The following CDH19 variants were observed in gnomAD, a reference collection of about 807,000 sequenced individuals.
CDH19 encodes the protein cadherin 19.
In CDH19, 67 loss-of-function variants were observed where a neutral mutation model predicts 64.2. The ratio of observed to expected loss-of-function variants is 1.04; its 90% CI spans 0.86 to 1.28. CDH19 has a LOEUF of 1.28. Among genes scored for constraint, CDH19 ranks in the 50% most tolerant of loss-of-function variants. The pLI is 0.00. For missense variants in CDH19, 1,030 were observed against 929.0 expected, an observed-to-expected ratio of 1.11 and a Z score of -1.41; for synonymous variants, 346 against 319.3, an observed-to-expected ratio of 1.08 and a Z score of -0.89.
chr18:66,552,506 G>A lies in CDH19; in HGVS notation c.611-1248C>T, dbSNP rs540904596. Among the ~76,000 whole-genome samples the A allele has an allele frequency of 4.5e-5, 4 of 88,960 alleles. 1 individual carries two copies. Among genetic ancestry groups the A allele is most frequent in the African/African-American group, 1.8e-4 (2 of 10,884 alleles). 58.4% of individuals were successfully genotyped at this position (88,960 alleles called of 152,430 possible). On this transcript the variant is annotated intron_variant, in intron 4 of 11. Transcript: ENST00000262150. The stretch of plus-strand genomic sequence containing the variant: ...ATCAATTATTTGAATCCAATGGAAA[G>A]CATTCAATATGTTGCACAAGTGCTG...
intron 1 of CDH19, among the ~76,000 whole-genome samples, chr18:66,573,249 T>C (rs1013032262): frequency 1.1e-4 from 17 of 151,708 alleles, no homozygotes; most frequent in African/African-American, 3.6e-4. Flanking sequence ...TAATGTCATA[T>C]AATCAACAGA....
intron 1 of CDH19, among the ~76,000 whole-genome samples, chr18:66,594,733 T>C (rs1988836345): frequency 6.6e-6 from 1 of 151,282 alleles, no homozygotes; most frequent in Non-Finnish European, 1.5e-5. Context: ...GAAATCATCA[T>C]TCTCAGTAAA....
In CDH19 at chr18:66,554,469, A is replaced by G; in HGVS notation, c.546T>C (p.Asn182=). 6.2e-7 allele frequency: 1 copy of G among 1,611,340 alleles called. No homozygotes were observed. The highest frequency in any genetic ancestry group is 1.1e-5 in the South Asian group (1 of 90,980). ...GTAAGCTGTAGAGGAGACGAGCATT[A>G]TTACCACTTGAGGGATCGTCAGCAT... The part of the protein sequence containing the change: ...ASDADDPSSG[N]NARLLYSLLQ... The change falls in exon 4 of 12, where the codon AAT becomes AAC. Residue 182 remains asparagine (N), a synonymous_variant. Coordinates refer to ENST00000262150, the MANE Select transcript of CDH19 (RefSeq NM_021153.4).
Position 66,551,158 on chromosome 18 carries a change from A to T in CDH19, c.711T>A (p.Ser237=). The T allele has an allele frequency of 6.2e-7, 1 of 1,608,630 alleles. No homozygotes were observed. The highest frequency in any genetic ancestry group is 8.5e-7 in the Non-Finnish European group (1 of 1,175,382). Residue 237 remains serine, a synonymous_variant, in exon 5 of 12, where the codon TCT becomes TCA. Transcript: ENST00000262150. ...GTTTAATTAATACACTTGTTGTTCC[A>T]GACAACGCTCCTGGCTGACCAATCA... The part of the protein sequence containing the change: ...KDMIGQPGAL[S]GTTSVLIKLS...
intron 2 of CDH19, 22 bp downstream of exon 2, chr18:66,571,988 A>T: frequency 6.4e-7 from 1 of 1,553,874 alleles, no homozygotes; most frequent in South Asian, 1.1e-5. Flanking sequence ...TATTTACTGT[A>T]ACATTTTAAA....
chr18:66,517,054 C>A (rs1985769691), intron 9 of CDH19, among the ~76,000 whole-genome samples: 1 of 151,962 alleles, frequency 6.6e-6, no homozygotes, highest in African/African-American at 2.4e-5. Context: ...TTTGGTGTAA[C>A]CATGGGACAT....
intron 1 of CDH19, among the ~76,000 whole-genome samples, chr18:66,600,070 T>C (rs1465497427): frequency 6.6e-6 from 1 of 151,906 alleles, no homozygotes; most frequent in Non-Finnish European, 1.5e-5. Flanking sequence ...TCCTTTGAAA[T>C]TTGTGCCAGA....
intron 5 of CDH19, among the ~76,000 whole-genome samples, chr18:66,545,839 T>C (rs1307927249): frequency 6.6e-6 from 1 of 152,100 alleles, no homozygotes; most frequent in African/African-American, 2.4e-5. Flanking sequence ...GGTAAGTGAA[T>C]GTAATATAAA....
At position 66,522,816 on chromosome 18, in the gene CDH19, T is replaced by C. The variant is rs977524552; in HGVS notation, c.1458+7029A>G. On this transcript the variant is annotated intron_variant, in intron 9 of 11. Transcript: ENST00000262150. The stretch of plus-strand genomic sequence containing the variant: ...TTAAAAAAATTATTTAACAACTTTC[T>C]ATAGGGATATCTGGAAACTAATGTT... Among the ~76,000 whole-genome samples, 36 of 151,900 alleles carry C rather than the reference T, an allele frequency of 2.4e-4. 1 individual carries two copies. Among genetic ancestry groups the C allele is most frequent in the Middle Eastern group, 3.4e-3 (1 of 294 alleles).
chr18:66,535,163 T>A (rs1390060385), intron 7 of CDH19, 56 bp from the exon 8 acceptor site: 5 of 1,075,944 alleles, frequency 4.6e-6, no homozygotes, highest in Non-Finnish European at 5.1e-6. Context: ...ATAACAGTGT[T>A]AGATAATACT....
intron 9 of CDH19, among the ~76,000 whole-genome samples, chr18:66,522,372 TGCTG>T (rs1986033289): frequency 6.6e-6 from 1 of 152,034 alleles, no homozygotes; most frequent in Non-Finnish European, 1.5e-5. Flanking sequence ...CCTCCCAAGC[TGCTG>T]GGTTTACAAG....
At chr18:66,602,748 G>A (rs1320155028) in intron 1 of CDH19, among the ~76,000 whole-genome samples, 1 of 151,324 alleles carries the variant, frequency 6.6e-6, no homozygotes, top group Non-Finnish European at 1.5e-5. Context: ...GTTTCTAAAT[G>A]ACATAAATTG....
Position 66,551,218 on chromosome 18 carries a change from T to C in CDH19, c.651A>G (p.Gln217=), listed in dbSNP as rs974127468. ...RISSKMDREL[Q]DEYWVIIQAK... is the part of the protein sequence containing the mutation. ...CTTGAATGATTACCCAATACTCATC[T>C]TGCAGTTCTCTATCCATTTTAGAAG... Residue 217 remains glutamine, a synonymous_variant, in exon 5 of 12, where the codon CAA becomes CAG. Coordinates refer to ENST00000262150, the MANE Select transcript of CDH19 (RefSeq NM_021153.4). 2 of 1,567,588 alleles carry C rather than the reference T, an allele frequency of 1.3e-6. No homozygotes were observed. Among genetic ancestry groups the C allele is most frequent in the South Asian group, 1.1e-5 (1 of 89,758 alleles).
At chr18:66,551,034 C>T (rs1987318867) in intron 5 of CDH19, 60 bp downstream of exon 5, 1 of 900,924 alleles carries the variant, frequency 1.1e-6, no homozygotes, top group Admixed American at 2.3e-5. Context: ...ATATAATCTA[C>T]TTATATTTAA....
At chr18:66,516,473 T>A (rs1041857795) in intron 9 of CDH19, among the ~76,000 whole-genome samples, 1 of 152,016 alleles carries the variant, frequency 6.6e-6, no homozygotes, top group African/African-American at 2.4e-5. Flanking sequence ...TGGTACAGTA[T>A]GCTTCAAATA....
chr18:66,558,780 T>C (rs509452), intron 3 of CDH19, among the ~76,000 whole-genome samples: 2,629 of 152,196 alleles, frequency 0.017, 77 homozygotes, highest in African/African-American at 0.059. Context: ...CCTAGTTAAA[T>C]ATAGGTTAAC....
chr18:66,586,215 C>T (rs1156579602), intron 1 of CDH19, among the ~76,000 whole-genome samples: 4 of 151,782 alleles, frequency 2.6e-5, no homozygotes, highest in East Asian at 1.9e-4. Flanking sequence ...ATTGAGTAGG[C>T]GTGGCCAAAA....
intron 1 of CDH19, among the ~76,000 whole-genome samples, chr18:66,582,389 G>A (rs1988448846): frequency 6.6e-6 from 1 of 151,838 alleles, no homozygotes; most frequent in African/African-American, 2.4e-5. Context: ...TTCACAGAAT[G>A]ACACCATGCA....
At chr18:66,601,511 C>A (rs1989036843) in intron 1 of CDH19, among the ~76,000 whole-genome samples, 5 of 151,922 alleles carry the variant, frequency 3.3e-5, no homozygotes, top group Admixed American at 3.3e-4. Flanking sequence ...AAACCACTGT[C>A]CTAAAATAAC....
Sources: allele counts gnomAD v4.1 joint callset (sites outside exome capture counted in the v4.1 genomes callset), GRCh38; gene constraint gnomAD v4.1.1; transcripts MANE v1.5; gene names NCBI Gene and HGNC (gene_info 2026-07-23, HGNC 2026-07-21).